The following OLA1 variants were observed in gnomAD, a reference collection of about 807,000 sequenced individuals.
OLA1 encodes Obg like ATPase 1.
A neutral mutation model predicts 48.4 loss-of-function variants in OLA1; 14 were observed. That is an observed-to-expected ratio of 0.29 (90% CI 0.19 to 0.45). The LOEUF (loss-of-function observed/expected upper bound fraction) is 0.45, where lower values mean the gene tolerates loss of function less well. Ranked by LOEUF, OLA1 falls within the 20% of genes least tolerant of loss-of-function variation. OLA1 has a pLI of 1.00. For missense variants in OLA1, 325 were observed against 467.1 expected (o/e 0.70, Z 2.80); for synonymous variants, 127 against 150.4 (o/e 0.84, Z 1.14).
chr2:174,148,533 A>G (rs71417458), intron 4 of OLA1, among the ~76,000 whole-genome samples: 19,667 of 152,218 alleles, frequency 0.13, 1,464 homozygotes, highest in East Asian at 0.21. Flanking sequence ...ATTAACCATA[A>G]TAGGCTTAAG....
intron 4 of OLA1, among the ~76,000 whole-genome samples, chr2:174,189,532 T>C (rs1322238632): frequency 6.6e-6 from 1 of 152,148 alleles, no homozygotes; most frequent in Non-Finnish European, 1.5e-5. Flanking sequence ...GAAGAGATGT[T>C]CGGTCTCACT....
chr2:174,246,615 T>A, intron 2 of OLA1, 100 bp downstream of exon 2: 1 of 776,852 alleles, frequency 1.3e-6, no homozygotes, highest in Non-Finnish European at 2.2e-6. Context: ...TGGCCTCTTT[T>A]CTTCAACTTA....
chr2:174,151,413 T>C (rs922892865), intron 4 of OLA1, among the ~76,000 whole-genome samples: 1 of 152,182 alleles, frequency 6.6e-6, no homozygotes, highest in Non-Finnish European at 1.5e-5. Flanking sequence ...AAACAAACTA[T>C]ATGCTACATT....
chr2:174,136,828 C>T (rs547446301), intron 5 of OLA1, among the ~76,000 whole-genome samples: 46 of 149,176 alleles, frequency 3.1e-4, no homozygotes, highest in South Asian at 2.1e-4. Flanking sequence ...CATGCTGCCA[C>T]GCCTGGTTAA....
intron 7 of OLA1, among the ~76,000 whole-genome samples, chr2:174,116,407 G>C (rs1685783893): frequency 6.6e-6 from 1 of 152,136 alleles, no homozygotes; most frequent in Non-Finnish European, 1.5e-5. Flanking sequence ...GAATATAATA[G>C]TTTAAGTAAT....
intron 5 of OLA1, among the ~76,000 whole-genome samples, chr2:174,139,961 A>G (rs1019670396): frequency 2.0e-5 from 3 of 152,100 alleles, no homozygotes; most frequent in African/African-American, 4.8e-5. Flanking sequence ...CTTCTTTAAC[A>G]TTAAAAAGTC....
chr2:174,141,749 A>G (rs1686451965), intron 5 of OLA1, 76 bp downstream of exon 5: 1 of 1,058,438 alleles, frequency 9.4e-7, no homozygotes, highest in Admixed American at 2.4e-5. Flanking sequence ...TAGATGTATC[A>G]TATGCATTAT....
intron 7 of OLA1, among the ~76,000 whole-genome samples, chr2:174,101,633 A>T (rs1685400241): frequency 6.6e-6 from 1 of 152,238 alleles, no homozygotes; most frequent in Non-Finnish European, 1.5e-5. Flanking sequence ...ACATGAGAAA[A>T]TGGCAGAGTG....
At chr2:174,188,632 A>T (rs67302051) in intron 4 of OLA1, among the ~76,000 whole-genome samples, 16,839 of 152,198 alleles carry the variant, frequency 0.11, 2,182 homozygotes, top group East Asian at 0.71. Context: ...AGCAGCATTT[A>T]AATTCAGAGT....
chr2:174,199,346 A>G (rs1261778901), intron 4 of OLA1, among the ~76,000 whole-genome samples: 4 of 152,178 alleles, frequency 2.6e-5, no homozygotes, highest in Non-Finnish European at 4.4e-5. Context: ...AAACATTCCC[A>G]TGTTCCCAAT....
Position 174,229,421 on chromosome 2 carries a change from A to G in OLA1, c.132T>C (p.Asn44=), listed in dbSNP as rs748537680. 8 of 1,613,534 alleles carry G rather than the reference A, an allele frequency of 5.0e-6. No homozygotes were observed. In the East Asian group the frequency reaches 1.3e-4, roughly 27 times the overall value. The change falls in exon 3 of 11, where the codon AAT becomes AAC. Residue 44 remains asparagine, a synonymous_variant. Coordinates refer to ENST00000284719, the MANE Select transcript of OLA1 (RefSeq NM_013341.5). ...GGAAGTTTTCTGCTGAAGCCTGACT[A>G]TTGGTTAACACATTGAAGAAAGTAG... The part of the protein sequence containing the change: ...GKSTFFNVLT[N]SQASAENFPF...
intron 4 of OLA1, among the ~76,000 whole-genome samples, chr2:174,169,863 A>T (rs1291799027): frequency 6.6e-6 from 1 of 152,214 alleles, no homozygotes; most frequent in Admixed American, 6.5e-5. Flanking sequence ...TGAAATGTAC[A>T]TTTTTAAATG....
chr2:174,176,745 A>G (rs937431913), intron 4 of OLA1, among the ~76,000 whole-genome samples: 1 of 152,162 alleles, frequency 6.6e-6, no homozygotes, highest in Middle Eastern at 3.2e-3. Flanking sequence ...AGTGGGAGGT[A>G]TGGGGATGAA....
chr2:174,246,944 AAACT>A (rs1689138669), intron 1 of OLA1, 129 bp from the exon 2 acceptor site: 2 of 492,018 alleles, frequency 4.1e-6, no homozygotes, highest in Non-Finnish European at 3.6e-6. Flanking sequence ...TAGCGATCCA[AAACT>A]AACACAGAGC....
intron 4 of OLA1, among the ~76,000 whole-genome samples, chr2:174,218,812 T>G (rs955995015): frequency 1.3e-5 from 2 of 152,072 alleles, no homozygotes; most frequent in African/African-American, 2.4e-5. Flanking sequence ...TAACATGTAT[T>G]GATTCTTTTA....
At chr2:174,244,685 G>A (rs371293967) in intron 2 of OLA1, among the ~76,000 whole-genome samples, 2 of 151,542 alleles carry the variant, frequency 1.3e-5, no homozygotes, top group African/African-American at 4.9e-5. Context: ...GTGCAGTGGC[G>A]GGACCTTGGC....
At chr2:174,133,611 C>T (rs182910184) in intron 5 of OLA1, among the ~76,000 whole-genome samples, 1 of 152,248 alleles carries the variant, frequency 6.6e-6, no homozygotes, top group Non-Finnish European at 1.5e-5. Flanking sequence ...TCCCAAAGTA[C>T]TGGGATTACA....
intron 4 of OLA1, among the ~76,000 whole-genome samples, chr2:174,156,290 C>T (rs1264491114): frequency 6.6e-6 from 1 of 152,030 alleles, no homozygotes; most frequent in African/African-American, 2.4e-5. Flanking sequence ...AACTAGATGC[C>T]AGTAACACAC....
rs1005428878 is a variant in OLA1 at position 174,073,499 on chromosome 2, A to C, written c.*1927T>G. 3 of 152,260 alleles carry C rather than the reference A, an allele frequency of 2.0e-5. No homozygotes were observed. The highest frequency in any genetic ancestry group is 7.2e-5 in the African/African-American group (3 of 41,474). The allele number at this position is 152,260 out of a possible 1,614,324, so 9.4% of individuals were successfully genotyped here. A position where few individuals can be genotyped will look rare whatever the true frequency, so the allele number is the denominator to read the frequency against. Reference sequence around the variant, plus strand: ...AGAAAATGAAATTTTGTATATGTACATACAATGTTGTAGAACTTCTAACCA... The same window carrying C: ...AGAAAATGAAATTTTGTATATGTACCTACAATGTTGTAGAACTTCTAACCA... On this transcript the variant is annotated 3_prime_UTR_variant, in exon 11 of 11. Coordinates refer to ENST00000284719, the MANE Select transcript of OLA1 (RefSeq NM_013341.5).
Sources: allele counts gnomAD v4.1 joint callset (sites outside exome capture counted in the v4.1 genomes callset), GRCh38; gene constraint gnomAD v4.1.1; transcripts MANE v1.5; gene names NCBI Gene and HGNC (gene_info 2026-07-23, HGNC 2026-07-21).